EVC2: variants seen among roughly 807,000 people sequenced by gnomAD.
EVC2 encodes the protein limbin.
In EVC2, 148 loss-of-function variants were observed where a neutral mutation model predicts 149.3. The observed-to-expected ratio is 0.99, with a 90% CI of 0.87 to 1.14. The LOEUF (loss-of-function observed/expected upper bound fraction) is 1.14, where lower values mean the gene tolerates loss of function less well. Ranked by LOEUF, EVC2 falls within the 50% of genes most tolerant of loss-of-function variation. EVC2 has a pLI of 0.00. For missense variants in EVC2, 1,854 were observed against 1,627.3 expected, an observed-to-expected ratio of 1.14 and a Z score of -2.40; for synonymous variants, 776 against 649.9, an observed-to-expected ratio of 1.19 and a Z score of -2.95.
chr4:5,562,696 G>A lies in EVC2; in HGVS notation c.*152C>T. 2 of 1,515,736 alleles carry A rather than the reference G, an allele frequency of 1.3e-6. No individual in the cohort carries two copies. Among genetic ancestry groups the A allele is most frequent in the Non-Finnish European group, 1.8e-6 (2 of 1,140,482 alleles). The allele number at this position is 1,515,736 out of a possible 1,614,324, so 93.9% of individuals were successfully genotyped here. On this transcript the variant is annotated 3_prime_UTR_variant, in exon 22 of 22. Transcript: ENST00000344408. This position sits in a 1 kb window ranked among gnomAD's most constrained non-coding sequence, Gnocchi z 4.3. ...AATTCATGAGACAAGATTAAACCGAGTCCCTGCAAGTTGGCATGCGCTACG... is the reference window on the plus strand; with the variant it reads ...AATTCATGAGACAAGATTAAACCGAATCCCTGCAAGTTGGCATGCGCTACG...
intron 2 of EVC2, among the ~76,000 whole-genome samples, chr4:5,697,077 G>A (rs1009465074): frequency 1.6e-4 from 24 of 152,174 alleles, no homozygotes; most frequent in Non-Finnish European, 1.5e-5. Context: ...ATGGAGGAGG[G>A]CAGTATCCCC....
At chr4:5,598,783 AC>A in intron 16 of EVC2, among the ~76,000 whole-genome samples, 1 of 152,320 alleles carries the variant, frequency 6.6e-6, no homozygotes, top group East Asian at 1.9e-4. Context: ...TGAACAGGCA[AC>A]CTACAAAATG....
intron 16 of EVC2, among the ~76,000 whole-genome samples, chr4:5,593,486 A>C (rs1713031049): frequency 6.6e-6 from 1 of 152,230 alleles, no homozygotes; most frequent in African/African-American, 2.4e-5. Context: ...TGCTGCTGGT[A>C]ACATTATCAA....
chr4:5,565,914 T>C (rs1165372749), intron 20 of EVC2, among the ~76,000 whole-genome samples: 2 of 152,102 alleles, frequency 1.3e-5, no homozygotes, highest in South Asian at 2.1e-4. Flanking sequence ...GGGGGAGTCA[T>C]TTGAGCAAAG....
chr4:5,665,747 C>A, intron 7 of EVC2, 98 bp from the exon 8 acceptor site: 1 of 1,539,380 alleles, frequency 6.5e-7, no homozygotes, highest in Admixed American at 1.9e-5. Flanking sequence ...CAAGCAGGGA[C>A]CAGGGGACTC....
At chr4:5,615,271 T>A (rs778545396) in intron 16 of EVC2, 151 bp downstream of exon 16, 2 of 1,334,958 alleles carry the variant, frequency 1.5e-6, no homozygotes, top group Non-Finnish European at 2.1e-6. Context: ...GTCTTCCAAC[T>A]CTTTCTTACC....
chr4:5,563,030 T>G lies in EVC2; in HGVS notation c.3745A>C (p.Ile1249Leu), dbSNP rs575315126. The G allele has an allele frequency of 2.9e-5, 47 of 1,614,234 alleles. No homozygotes were observed. The South Asian group carries it at 4.9e-4, about 17-fold the overall frequency. The change falls in exon 22 of 22, where the codon ATT becomes CTT. Residue 1249 changes from isoleucine (I) to leucine (L), a missense_variant. Coordinates refer to ENST00000344408, the MANE Select transcript of EVC2 (RefSeq NM_147127.5). ...GSWPHLSLEP[I>L]GELAPVPIVG... ...ATGGGTACAGGGGCCAGTTCGCCAA[T>G]GGGCTCCAGTGACAGGTGTGGCCAA... is the stretch of plus-strand genomic sequence containing the variant.
chr4:5,632,002 T>G lies in EVC2; in HGVS notation c.1501A>C (p.Thr501Pro). ...TGCTCCTGTTCCAGGCCATGGAGGG[T>G]CCGCAGAAGGTTGCTGCACTCTACA... The part of the protein sequence containing the change: ...SAVECSNLLR[T>P]LHGLEQEHLR... The change falls in exon 11 of 22, where the codon ACC becomes CCC. Residue 501 changes from threonine to proline, a missense_variant. Transcript: ENST00000344408. 6.2e-7 allele frequency: 1 copy of G among 1,614,002 alleles called. No individual in the cohort carries two copies.
chr4:5,591,366 C>T (rs1374650999), intron 16 of EVC2, among the ~76,000 whole-genome samples: 7 of 152,154 alleles, frequency 4.6e-5, no homozygotes, highest in Non-Finnish European at 7.3e-5. Context: ...AATTTATGAA[C>T]ATCATCATGC....
At chr4:5,691,501 A>C (rs1369582129) in intron 3 of EVC2, among the ~76,000 whole-genome samples, 168 bp from the exon 4 acceptor site, 1 of 152,234 alleles carries the variant, frequency 6.6e-6, no homozygotes, top group Non-Finnish European at 1.5e-5. Context: ...AAGGATTAGA[A>C]ATTAAAACTT....
At chr4:5,623,491 C>T (rs1294409096) in intron 13 of EVC2, among the ~76,000 whole-genome samples, 1 of 152,106 alleles carries the variant, frequency 6.6e-6, no homozygotes, top group East Asian at 1.9e-4. Flanking sequence ...AGGTGTGTAC[C>T]ACCACACCCA....
chr4:5,564,914 C>T (rs909901110), intron 21 of EVC2, among the ~76,000 whole-genome samples: 1 of 152,176 alleles, frequency 6.6e-6, no homozygotes, highest in African/African-American at 2.4e-5. Flanking sequence ...TTTATCATCC[C>T]CACTTTCTGG....
intron 9 of EVC2, among the ~76,000 whole-genome samples, chr4:5,650,901 A>G (rs1347918953): frequency 6.6e-6 from 1 of 152,172 alleles, no homozygotes; most frequent in Non-Finnish European, 1.5e-5. Context: ...AGTCTCTGGC[A>G]CAGAACAGAT....
the EVC2 span, among the ~76,000 whole-genome samples, chr4:5,534,855 TTGAA>T: frequency 3.4e-4 from 51 of 151,894 alleles, no homozygotes; most frequent in African/African-American, 1.2e-3. Flanking sequence ...AGATTCCTAT[TTGAA>T]TGAACAAAGG....
intron 19 of EVC2, among the ~76,000 whole-genome samples, chr4:5,572,350 C>T (rs1271929104): frequency 6.6e-6 from 1 of 152,194 alleles, no homozygotes; most frequent in Non-Finnish European, 1.5e-5. Context: ...ACAAATGCCA[C>T]TATTAGGAAG....
rs1722042643 is a variant in EVC2 at position 5,562,920 on chromosome 4, C to A, written c.3855G>T (p.Leu1285=). The change falls in exon 22 of 22, where the codon CTG becomes CTT. Residue 1285 remains leucine (L), a synonymous_variant. Coordinates refer to ENST00000344408, the MANE Select transcript of EVC2 (RefSeq NM_147127.5). The surrounding 1 kb of genome is among the most constrained non-coding windows in gnomAD (Gnocchi z 4.3). Reference sequence around the variant, plus strand: ...TCTTCTTTTTCCTGGGAGGAACGTGCAGTGAGATCTCTGGCTCCTTTGGAT... The same window carrying A: ...TCTTCTTTTTCCTGGGAGGAACGTGAAGTGAGATCTCTGGCTCCTTTGGAT... ...FRNPKEPEIS[L]HVPPRKKKNF... The A allele has an allele frequency of 1.2e-6, 2 of 1,614,154 alleles. No homozygotes were observed. Among genetic ancestry groups the A allele is most frequent in the Non-Finnish European group, 1.7e-6 (2 of 1,180,042 alleles).
At chr4:5,619,485 G>C (rs1439242014) in intron 14 of EVC2, among the ~76,000 whole-genome samples, 1 of 152,110 alleles carries the variant, frequency 6.6e-6, no homozygotes, top group Non-Finnish European at 1.5e-5. Flanking sequence ...GCTAAGAAAA[G>C]GTATGGAACA....
chr4:5,692,542 T>C, intron 3 of EVC2, among the ~76,000 whole-genome samples: 1 of 152,124 alleles, frequency 6.6e-6, no homozygotes. Flanking sequence ...ATGCATTCCC[T>C]CTCCACAGTG....
At chr4:5,529,626 T>C in the EVC2 span, among the ~76,000 whole-genome samples, 1 of 152,162 alleles carries the variant, frequency 6.6e-6, no homozygotes, top group Non-Finnish European at 1.5e-5. This position sits in a 1 kb window ranked among gnomAD's most constrained non-coding sequence, Gnocchi z 4.5. Flanking sequence ...AGGTGCTCAA[T>C]AAATGCTTGT....
Sources: allele counts gnomAD v4.1 joint callset (sites outside exome capture counted in the v4.1 genomes callset), GRCh38; gene constraint gnomAD v4.1.1; non-coding constraint Gnocchi (gnomAD v3.1); transcripts MANE v1.5; gene names NCBI Gene and HGNC (gene_info 2026-07-23, HGNC 2026-07-21).